CDH18: variants seen among roughly 807,000 people sequenced by gnomAD.
CDH18 encodes the protein cadherin-18.
CDH18 carries 31 observed loss-of-function variants against 67.9 expected under a neutral mutation model. The observed-to-expected ratio is 0.46, with a 90% CI of 0.34 to 0.62. The LOEUF (loss-of-function observed/expected upper bound fraction) is 0.62. Ranked by LOEUF, CDH18 falls within the 20% of genes least tolerant of loss-of-function variation. The probability of loss-of-function intolerance (pLI) is 0.01; values close to 1 mark genes in which losing one functional copy is unlikely to be tolerated. For synonymous variants in CDH18, 362 were observed against 347.2 expected (o/e 1.04, Z -0.48); for missense variants, 890 against 975.5 (o/e 0.91, Z 1.17).
intron 5 of CDH18, among the ~76,000 whole-genome samples, chr5:19,714,123 C>G (rs1427487313): frequency 6.6e-6 from 1 of 152,072 alleles, no homozygotes; most frequent in African/African-American, 2.4e-5. Context: ...TGCTTGTTGT[C>G]ACATGATCAC....
intron 5 of CDH18, among the ~76,000 whole-genome samples, chr5:19,682,949 T>A (rs1760545569): frequency 6.6e-6 from 1 of 152,136 alleles, no homozygotes; most frequent in African/African-American, 2.4e-5. Flanking sequence ...AATTATCTTT[T>A]ATACATGTAT....
At chr5:20,276,194 AC>A (rs1745798149) in intron 1 of CDH18, among the ~76,000 whole-genome samples, 1 of 152,214 alleles carries the variant, frequency 6.6e-6, no homozygotes, top group Non-Finnish European at 1.5e-5. Context: ...ACCTAGTGAG[AC>A]ACCAGCTGGG....
intron 1 of CDH18, among the ~76,000 whole-genome samples, chr5:20,428,726 C>A (rs1443258750): frequency 6.6e-6 from 1 of 151,966 alleles, no homozygotes; most frequent in East Asian, 1.9e-4. Context: ...ATGTTTGTGA[C>A]CCAATGTGTT....
chr5:20,050,715 AAT>A (rs1452211477), intron 2 of CDH18, among the ~76,000 whole-genome samples: 1 of 151,848 alleles, frequency 6.6e-6, no homozygotes, highest in Admixed American at 6.6e-5. Flanking sequence ...GTTCAAGTAG[AAT>A]ATGTGTAAAA....
At chr5:19,966,503 A>G (rs1313739612) in intron 2 of CDH18, among the ~76,000 whole-genome samples, 1 of 152,160 alleles carries the variant, frequency 6.6e-6, no homozygotes, top group African/African-American at 2.4e-5. Flanking sequence ...TCTATATACA[A>G]TACCTGAAGC....
intron 2 of CDH18, among the ~76,000 whole-genome samples, chr5:20,083,515 C>G (rs574068150): frequency 2.6e-5 from 4 of 152,126 alleles, no homozygotes; most frequent in Non-Finnish European, 5.9e-5. Flanking sequence ...TGAATGAATA[C>G]TGTGTGTATT....
chr5:19,648,847 A>AGAG (rs1270066787), intron 5 of CDH18, among the ~76,000 whole-genome samples: 1 of 151,676 alleles, frequency 6.6e-6, no homozygotes, highest in African/African-American at 2.4e-5. Context: ...TTTTTCATGC[A>AGAG]GAGTTAGACA....
chr5:20,014,409 G>T lies in CDH18; in HGVS notation c.-517-22395C>A, dbSNP rs768362432. Among the ~76,000 whole-genome samples the T allele has an allele frequency of 2.6e-5, 4 of 152,142 alleles. No individual in the cohort carries two copies. The East Asian group carries it at 7.7e-4, about 29-fold the overall frequency. Reference sequence around the variant, plus strand: ...ACATCTAATGCAGTCTGAGAGGAATGGGAAAGTCTTCCTAGAAAAGATGTC... The same window carrying T: ...ACATCTAATGCAGTCTGAGAGGAATTGGAAAGTCTTCCTAGAAAAGATGTC... On this transcript the variant is annotated intron_variant, in intron 2 of 14. Coordinates refer to the CDH18 transcript ENST00000507958.
chr5:20,056,680 CTTTTTT>C lies in CDH18; in HGVS notation c.-517-64672_-517-64667del, dbSNP rs397758122. On this transcript the variant is annotated intron_variant, in intron 2 of 14. Transcript: ENST00000507958. The stretch of plus-strand genomic sequence containing the variant: ...ATAGAGCAGTTGAGTTCTATATTCT[CTTTTTT>C]TTTTTTTTTTTTTTTTTGAGACGAA... Among the ~76,000 whole-genome samples, 10 of 70,028 alleles carry C rather than the reference CTTTTTT, an allele frequency of 1.4e-4. No individual in the cohort carries two copies. The South Asian group carries it at 2.6e-3, about 18-fold the overall frequency. 45.9% of individuals were successfully genotyped at this position (70,028 alleles called of 152,430 possible).
intron 1 of CDH18, among the ~76,000 whole-genome samples, chr5:20,528,250 C>T (rs1756187252): frequency 6.6e-6 from 1 of 151,952 alleles, no homozygotes; most frequent in South Asian, 2.1e-4. Flanking sequence ...CAAGAGCACC[C>T]AGATTCATAA....
At chr5:20,187,487 C>T (rs983500892) in intron 2 of CDH18, among the ~76,000 whole-genome samples, 15 of 151,676 alleles carry the variant, frequency 9.9e-5, no homozygotes, top group Admixed American at 7.2e-4. Flanking sequence ...ACTAAATGTA[C>T]CTGGGCTCCA....
Position 20,527,196 on chromosome 5 carries a change from C to G in CDH18, c.-580+48266G>C, listed in dbSNP as rs112059864. Among the ~76,000 whole-genome samples the G allele has an allele frequency of 1.2e-4, 18 of 151,446 alleles. 2 individuals carry two copies. The highest frequency in any genetic ancestry group is 3.9e-4 in the African/African-American group (16 of 41,278). On this transcript the variant is annotated intron_variant, in intron 1 of 14. Transcript: ENST00000507958. Reference sequence around the variant, plus strand: ...GACCATCTTGCTGAAATAAGGCAGGCAGACAAGACTAGAGAAAAAAGAATA... The same window carrying G: ...GACCATCTTGCTGAAATAAGGCAGGGAGACAAGACTAGAGAAAAAAGAATA...
At chr5:20,313,478 G>C (rs1300630230) in intron 1 of CDH18, among the ~76,000 whole-genome samples, 1 of 151,898 alleles carries the variant, frequency 6.6e-6, no homozygotes, top group Non-Finnish European at 1.5e-5. Context: ...ATGTAAAACT[G>C]TATTAAAAAT....
In CDH18 at chr5:20,134,512, G is replaced by A. The variant is rs547831226; in HGVS notation, c.-518+120932C>T. Among the ~76,000 whole-genome samples, 17 of 151,854 alleles carry A rather than the reference G, an allele frequency of 1.1e-4. No homozygotes were observed. The South Asian group carries it at 1.5e-3, about 13-fold the overall frequency. On this transcript the variant is annotated intron_variant, in intron 2 of 14. Coordinates refer to the CDH18 transcript ENST00000507958. ...AGTTTTTCTGCTTTTAGTACCTATCGGTTGTAACATCTTTTATATTTTTCT... is the reference window on the plus strand; with the variant it reads ...AGTTTTTCTGCTTTTAGTACCTATCAGTTGTAACATCTTTTATATTTTTCT...
intron 5 of CDH18, among the ~76,000 whole-genome samples, chr5:19,712,369 C>T (rs1764807535): frequency 6.6e-6 from 1 of 151,940 alleles, no homozygotes; most frequent in Admixed American, 6.6e-5. Flanking sequence ...GTGTGGAAAG[C>T]AACAGTAACA....
At chr5:19,964,185 A>C (rs1327603581) in intron 2 of CDH18, among the ~76,000 whole-genome samples, 1 of 152,176 alleles carries the variant, frequency 6.6e-6, no homozygotes, top group Non-Finnish European at 1.5e-5. Flanking sequence ...ATGATATAAA[A>C]AAGAGTACAT....
intron 9 of CDH18, among the ~76,000 whole-genome samples, chr5:19,540,518 C>T (rs370276569): frequency 2.0e-5 from 3 of 152,126 alleles, no homozygotes; most frequent in African/African-American, 7.2e-5. Context: ...TACAGGTCCT[C>T]CATGAGGACT....
At chr5:20,265,259 G>C (rs1435472119) in intron 1 of CDH18, among the ~76,000 whole-genome samples, 1 of 151,742 alleles carries the variant, frequency 6.6e-6, no homozygotes. Context: ...TTATTATAAA[G>C]AAAAATAGTG....
chr5:19,595,176 C>T (rs1459204651), intron 6 of CDH18, among the ~76,000 whole-genome samples: 4 of 151,972 alleles, frequency 2.6e-5, no homozygotes, highest in Admixed American at 1.3e-4. Context: ...AAAATAATCC[C>T]ATTTATAATA....
Sources: allele counts gnomAD v4.1 joint callset (sites outside exome capture counted in the v4.1 genomes callset), GRCh38; gene constraint gnomAD v4.1.1; transcripts MANE v1.5; gene names NCBI Gene and HGNC (gene_info 2026-07-23, HGNC 2026-07-21).